Variants in NADSYN1 observed in about 807,000 individuals in gnomAD.
The protein encoded by NADSYN1 is glutamine-dependent NAD(+) synthetase.
In NADSYN1, 80 loss-of-function variants were observed where a neutral mutation model predicts 99.3. The observed-to-expected ratio is 0.81, with a 90% CI of 0.67 to 0.97. The LOEUF is 0.97. Among genes scored for constraint, NADSYN1 ranks in the 50% least tolerant of loss-of-function variants. The pLI is 0.00. For missense variants in NADSYN1, 859 were observed against 948.5 expected (o/e 0.91, Z 1.24); for synonymous variants, 385 against 372.1 (o/e 1.03, Z -0.40).
At chr11:71,460,503 A>G (rs185424939) in intron 3 of NADSYN1, among the ~76,000 whole-genome samples, 1 of 152,124 alleles carries the variant, frequency 6.6e-6, no homozygotes, top group Non-Finnish European at 1.5e-5. Context: ...GGTGCACACC[A>G]GTACACCTGG....
Position 71,484,293 on chromosome 11 carries a change from C to T in NADSYN1, c.1320-19C>T. On this transcript the variant is annotated intron_variant, in intron 14 of 20. Transcript: ENST00000319023. ...ACACGTGCACATGCTGCCTTCAACG[C>T]CTATCCTTCTCCTTCCAGCCACCAC... 2 of 1,610,792 alleles carry T rather than the reference C, an allele frequency of 1.2e-6. No homozygotes were observed. Among genetic ancestry groups the T allele is most frequent in the Non-Finnish European group, 1.7e-6 (2 of 1,177,260 alleles).
At chr11:71,489,096 G>T (rs1052100855) in intron 16 of NADSYN1, among the ~76,000 whole-genome samples, 3 of 152,144 alleles carry the variant, frequency 2.0e-5, no homozygotes, top group Admixed American at 1.3e-4. Flanking sequence ...GCCCTGCAGG[G>T]TTAAGTTGGG....
In NADSYN1 at chr11:71,474,214, G is replaced by A. The variant is rs551083570; in HGVS notation, c.667-181G>A. The stretch of plus-strand genomic sequence containing the variant: ...TTGTGTAGAGCCTGGCACCTAGCAA[G>A]GCGGGGCTCGCCGCAGCTTCACAGG... On this transcript the variant is annotated intron_variant, in intron 8 of 20. Coordinates refer to ENST00000319023, the MANE Select transcript of NADSYN1 (RefSeq NM_018161.5). Among the ~76,000 whole-genome samples the A allele has an allele frequency of 2.0e-3, 303 of 152,100 alleles. 1 individual carries two copies. Among genetic ancestry groups the A allele is most frequent in the African/African-American group, 7.1e-3 (294 of 41,500 alleles).
rs550379517 is a variant in NADSYN1 at position 71,484,621 on chromosome 11, C to G, written c.1455+174C>G. ...CACAGCCTGTATGCCTCACTGAAGA[C>G]GTCGGTCATGCAGCCTTGTTAACAA... On this transcript the variant is annotated intron_variant, in intron 15 of 20. Coordinates refer to ENST00000319023, the MANE Select transcript of NADSYN1 (RefSeq NM_018161.5). 11 of 934,736 alleles carry G rather than the reference C, an allele frequency of 1.2e-5. No homozygotes were observed. The African/African-American group carries it at 1.8e-4, about 16-fold the overall frequency. The allele number at this position is 934,736 out of a possible 1,614,324, so 57.9% of individuals were successfully genotyped here. A position where few individuals can be genotyped will look rare whatever the true frequency, so the allele number is the denominator to read the frequency against.
At chr11:71,473,955 C>T (rs1949646816) in intron 8 of NADSYN1, among the ~76,000 whole-genome samples, 1 of 152,230 alleles carries the variant, frequency 6.6e-6, no homozygotes, top group Non-Finnish European at 1.5e-5. Flanking sequence ...TCGTTGGCAT[C>T]ATGGTGAGGC....
chr11:71,468,028 A>G (rs757674352), intron 5 of NADSYN1, among the ~76,000 whole-genome samples: 2 of 152,236 alleles, frequency 1.3e-5, no homozygotes, highest in East Asian at 1.9e-4. Flanking sequence ...CCTGCTTCGT[A>G]GTGGTGAAGC....
chr11:71,494,850 T>C (rs1020287038), intron 18 of NADSYN1, among the ~76,000 whole-genome samples: 6 of 152,194 alleles, frequency 3.9e-5, no homozygotes, highest in Admixed American at 2.6e-4. Context: ...CCACCGCGTC[T>C]GGCCAATCCA....
At chr11:71,465,559 G>A (rs1949582385) in intron 5 of NADSYN1, among the ~76,000 whole-genome samples, 1 of 152,156 alleles carries the variant, frequency 6.6e-6, no homozygotes, top group Non-Finnish European at 1.5e-5. Flanking sequence ...TTTGTCATGG[G>A]GCGTCGGCCA....
intron 5 of NADSYN1, among the ~76,000 whole-genome samples, chr11:71,466,481 C>G (rs908102286): frequency 2.0e-5 from 3 of 152,310 alleles, no homozygotes; most frequent in Admixed American, 2.0e-4. Flanking sequence ...TGCCTCACCC[C>G]GCCCTCTAGA....
intron 5 of NADSYN1, among the ~76,000 whole-genome samples, chr11:71,471,995 C>A (rs541649585): frequency 6.6e-6 from 1 of 152,312 alleles, no homozygotes; most frequent in South Asian, 2.1e-4. Context: ...AAACCCTCCT[C>A]CTGATTTCTC....
chr11:71,456,486 C>G (rs1949515884), intron 2 of NADSYN1, among the ~76,000 whole-genome samples: 1 of 152,230 alleles, frequency 6.6e-6, no homozygotes, highest in South Asian at 2.1e-4. Context: ...CTCTCCTGGG[C>G]TGGTCCGGGG....
intron 10 of NADSYN1, chr11:71,479,262 A>C (rs958411759): frequency 6.8e-6 from 1 of 147,564 alleles, no homozygotes; most frequent in Non-Finnish European, 1.5e-5. Context: ...GATTTTTTTT[A>C]ATTTTTTTTT....
intron 5 of NADSYN1, among the ~76,000 whole-genome samples, chr11:71,471,132 C>T (rs1320239863): frequency 2.0e-5 from 3 of 152,178 alleles, no homozygotes; most frequent in East Asian, 1.9e-4. Context: ...CCTTCTTCCC[C>T]GTTCGTCTCA....
At chr11:71,485,758 G>A (rs1949738453) in intron 16 of NADSYN1, 110 bp downstream of exon 16, 1 of 792,912 alleles carries the variant, frequency 1.3e-6, no homozygotes, top group Non-Finnish European at 1.9e-6. Context: ...CGGGTTTGGT[G>A]CCTGGAATGA....
At position 71,473,550 on chromosome 11, in the gene NADSYN1, C is replaced by T. The variant is rs778604885; in HGVS notation, c.549-19C>T. On this transcript the variant is annotated intron_variant, in intron 7 of 20. Transcript: ENST00000319023. ...GAGGAGTCTGGTGGCCTGTTCTCTT[C>T]ACCTGCCTCTGCCTGCAGCCCGCAC... 4.4e-6 allele frequency: 7 copies of T among 1,601,126 alleles called. No homozygotes were observed. The highest frequency in any genetic ancestry group is 1.1e-5 in the South Asian group (1 of 90,474).
At chr11:71,472,384 G>A in intron 5 of NADSYN1, 65 bp from the exon 6 acceptor site, 1 of 1,355,996 alleles carries the variant, frequency 7.4e-7, no homozygotes, top group Non-Finnish European at 1.1e-6. Context: ...TTGTTTAAAT[G>A]TAGCCGCCAT....
intron 5 of NADSYN1, among the ~76,000 whole-genome samples, chr11:71,466,410 T>C (rs1298766967): frequency 2.0e-5 from 3 of 152,160 alleles, no homozygotes. Flanking sequence ...TGCACTCTGG[T>C]TCCCAGTGGG....
intron 3 of NADSYN1, among the ~76,000 whole-genome samples, chr11:71,461,779 C>T (rs928587100): frequency 2.0e-5 from 3 of 152,200 alleles, no homozygotes; most frequent in African/African-American, 7.2e-5. Context: ...CACTCACTGT[C>T]AGGAGAACAG....
At chr11:71,456,774 A>C (rs1792316) in intron 2 of NADSYN1, among the ~76,000 whole-genome samples, 135,778 of 152,272 alleles carry the variant, frequency 0.89, 61,005 homozygotes, top group Non-Finnish European at 0.95. Flanking sequence ...CAGGTCTCCA[A>C]GTAGCTTACA....
Sources: gnomAD v4.1 joint callset for allele counts (sites outside exome capture counted in the v4.1 genomes callset) on GRCh38, gnomAD v4.1.1 for gene constraint, MANE v1.5 for transcripts, NCBI Gene and HGNC (gene_info 2026-07-23, HGNC 2026-07-21) for gene names.